Variants in SCAMP1 observed in about 807,000 individuals in gnomAD.
SCAMP1 encodes the protein secretory carrier membrane protein 1, also known as secretory carrier-associated membrane protein 1.
SCAMP1 carries 15 observed loss-of-function variants against 41.8 expected under a neutral mutation model. The observed-to-expected ratio is 0.36, with a 90% CI of 0.24 to 0.55. SCAMP1 has a LOEUF of 0.55. Ranked by LOEUF, SCAMP1 falls within the 20% of genes least tolerant of loss-of-function variation. SCAMP1 has a pLI of 0.86. For synonymous variants in SCAMP1, 135 were observed against 136.8 expected (o/e 0.99, Z 0.09); for missense variants, 341 against 412.6 (o/e 0.83, Z 1.50).
intron 6 of SCAMP1, among the ~76,000 whole-genome samples, chr5:78,428,443 G>A (rs981705395): frequency 2.0e-5 from 3 of 152,056 alleles, no homozygotes; most frequent in African/African-American, 4.8e-5. Context: ...CAGTGATGTA[G>A]GATTTATTTT....
intron 1 of SCAMP1, among the ~76,000 whole-genome samples, chr5:78,379,522 T>G (rs1751146399): frequency 6.6e-6 from 1 of 152,200 alleles, no homozygotes; most frequent in South Asian, 2.1e-4. Flanking sequence ...ATTAGGAGAG[T>G]GAACTCAGTT....
intron 1 of SCAMP1, among the ~76,000 whole-genome samples, chr5:78,376,045 C>CG (rs1368959499): frequency 7.2e-5 from 11 of 152,220 alleles, no homozygotes; most frequent in South Asian, 6.2e-4. Flanking sequence ...ACTGTTCATA[C>CG]ACCCCCTCCC....
At chr5:78,422,770 A>G (rs906368272) in intron 6 of SCAMP1, among the ~76,000 whole-genome samples, 1 of 152,210 alleles carries the variant, frequency 6.6e-6, no homozygotes, top group Non-Finnish European at 1.5e-5. Context: ...ATACTGATTG[A>G]AATGATAGTC....
At chr5:78,431,131 G>C (rs1173429206) in intron 6 of SCAMP1, among the ~76,000 whole-genome samples, 1 of 151,906 alleles carries the variant, frequency 6.6e-6, no homozygotes, top group Non-Finnish European at 1.5e-5. Context: ...TGCAGATACA[G>C]ATATAAGAAA....
chr5:78,384,254 T>C (rs759195779), intron 1 of SCAMP1, among the ~76,000 whole-genome samples: 1 of 150,758 alleles, frequency 6.6e-6, no homozygotes, highest in Non-Finnish European at 1.5e-5. Context: ...GCTTTTGGTA[T>C]ATAGTATGGC....
chr5:78,414,545 T>C (rs1345554548), intron 2 of SCAMP1, among the ~76,000 whole-genome samples: 1 of 152,146 alleles, frequency 6.6e-6, no homozygotes, highest in Admixed American at 6.5e-5. Context: ...CCTCCCAAAG[T>C]ACTGGGATCA....
In SCAMP1 at chr5:78,456,581, A is replaced by T. The variant is rs901949652; in HGVS notation, c.735-2664A>T. 4.0e-5 allele frequency among the ~76,000 whole-genome samples: 6 copies of T among 150,174 alleles called. No homozygotes were observed. In the East Asian group the frequency reaches 6.0e-4, roughly 15 times the overall value. On this transcript the variant is annotated intron_variant, in intron 7 of 8. Transcript: ENST00000621999. ...TGTTAGTCTGATGGGCTTCCCTTTGAGGGTAACCCGACCTTTCTCTCTGGC... is the reference window on the plus strand; with the variant it reads ...TGTTAGTCTGATGGGCTTCCCTTTGTGGGTAACCCGACCTTTCTCTCTGGC...
intron 1 of SCAMP1, among the ~76,000 whole-genome samples, chr5:78,379,378 A>G (rs1487072618): frequency 2.0e-5 from 3 of 152,236 alleles, no homozygotes; most frequent in Non-Finnish European, 4.4e-5. Flanking sequence ...CTTCCTCAAC[A>G]CTACAGTTGC....
intron 1 of SCAMP1, among the ~76,000 whole-genome samples, chr5:78,366,007 C>T (rs566794347): frequency 1.3e-5 from 2 of 152,268 alleles, no homozygotes; most frequent in East Asian, 3.9e-4. Context: ...TTGCCCAGAA[C>T]TCTGGAGGCT....
chr5:78,366,499 C>T (rs769393112), intron 1 of SCAMP1, among the ~76,000 whole-genome samples: 7 of 152,132 alleles, frequency 4.6e-5, no homozygotes, highest in Non-Finnish European at 7.4e-5. Flanking sequence ...CAGAGCCCTG[C>T]TGACCTAGTC....
In SCAMP1 at chr5:78,479,765, A is replaced by G. The variant is rs772296081; in HGVS notation, c.*4097A>G. Among the ~76,000 whole-genome samples, 7 of 152,186 alleles carry G rather than the reference A, an allele frequency of 4.6e-5. No homozygotes were observed. Among genetic ancestry groups the G allele is most frequent in the Admixed American group, 1.3e-4 (2 of 15,280 alleles). ...ACATTTAATGTATAGGATTTTGGCC[A>G]GGTGTGGTGGCTCACGCCTGTAATC... On this transcript the variant is annotated 3_prime_UTR_variant, in exon 9 of 9. Coordinates refer to ENST00000621999, the MANE Select transcript of SCAMP1 (RefSeq NM_004866.6).
At chr5:78,460,123 T>C (rs1392957559) in intron 8 of SCAMP1, among the ~76,000 whole-genome samples, 3 of 152,234 alleles carry the variant, frequency 2.0e-5, no homozygotes, top group Non-Finnish European at 4.4e-5. Flanking sequence ...GTGATGTATA[T>C]GTATCACATT....
intron 8 of SCAMP1, among the ~76,000 whole-genome samples, chr5:78,460,910 C>T (rs1753594414): frequency 6.6e-6 from 1 of 151,554 alleles, no homozygotes; most frequent in Non-Finnish European, 1.5e-5. Flanking sequence ...GGCTGGAGTG[C>T]AGTGGCTCAA....
intron 1 of SCAMP1, among the ~76,000 whole-genome samples, chr5:78,371,911 C>T (rs560010832): frequency 6.6e-6 from 1 of 152,076 alleles, no homozygotes; most frequent in African/African-American, 2.4e-5. Context: ...TTGAGTATTG[C>T]TGAAATCAAA....
chr5:78,442,131 A>G (rs1468003201), intron 6 of SCAMP1, among the ~76,000 whole-genome samples: 1 of 152,172 alleles, frequency 6.6e-6, no homozygotes, highest in African/African-American at 2.4e-5. Flanking sequence ...CTTGTCTCAA[A>G]AAAAGAAGGA....
chr5:78,446,497 T>C (rs2112199818), intron 6 of SCAMP1, among the ~76,000 whole-genome samples: 2 of 145,136 alleles, frequency 1.4e-5, no homozygotes, highest in East Asian at 4.5e-4. Context: ...GTAAAAACTC[T>C]AAGTGAAAAA....
At chr5:78,450,129 GAAAAATTAAAT>G (rs754611554) in intron 7 of SCAMP1, 95 bp downstream of exon 7, 3 of 673,312 alleles carry the variant, frequency 4.5e-6, no homozygotes, top group Non-Finnish European at 7.5e-6. Context: ...AACCAGATTA[GAAAAATTAAAT>G]AAAAAGCAAA....
intron 2 of SCAMP1, among the ~76,000 whole-genome samples, chr5:78,389,605 T>A (rs1751436315): frequency 6.6e-6 from 1 of 152,050 alleles, no homozygotes; most frequent in African/African-American, 2.4e-5. Context: ...TGTACAAGTA[T>A]GAAAAAAATC....
rs548578681 is a variant in SCAMP1 at position 78,361,077 on chromosome 5, G to A, written c.57+349G>A. The A allele has an allele frequency of 2.8e-4, 65 of 228,212 alleles. No homozygotes were observed. The South Asian group carries it at 3.3e-3, about 12-fold the overall frequency. The allele number at this position is 228,212 out of a possible 1,614,324, so 14.1% of individuals were successfully genotyped here. On this transcript the variant is annotated intron_variant, in intron 1 of 8. Coordinates refer to ENST00000621999, the MANE Select transcript of SCAMP1 (RefSeq NM_004866.6). Reference sequence around the variant, plus strand: ...GGCAGGTAGAGTCGCCCCTTGCCAAGCAAGTGTGGCTGGCAGGGCCGGGAG... The same window carrying A: ...GGCAGGTAGAGTCGCCCCTTGCCAAACAAGTGTGGCTGGCAGGGCCGGGAG...
Sources: gnomAD v4.1 joint callset for allele counts (sites outside exome capture counted in the v4.1 genomes callset) on GRCh38, gnomAD v4.1.1 for gene constraint, MANE v1.5 for transcripts, NCBI Gene and HGNC (gene_info 2026-07-23, HGNC 2026-07-21) for gene names.